Variants in ATF7IP observed in about 807,000 individuals in gnomAD.
ATF7IP encodes the protein activating transcription factor 7 interacting protein, also known as activating transcription factor 7-interacting protein 1.
Under a neutral mutation model 106.4 loss-of-function variants are expected in ATF7IP, and 23 were observed. The ratio of observed to expected loss-of-function variants is 0.22; its 90% CI spans 0.16 to 0.31. ATF7IP has a LOEUF of 0.31. Ranked by LOEUF, ATF7IP falls within the 10% of genes least tolerant of loss-of-function variation. The probability of loss-of-function intolerance (pLI) is 1.00; values close to 1 mark genes in which losing one functional copy is unlikely to be tolerated. For missense variants in ATF7IP, 1,334 were observed against 1,524.3 expected (o/e 0.88, Z 2.08); for synonymous variants, 542 against 539.0 (o/e 1.01, Z -0.08).
At chr12:14,431,475 A>G (rs376141205) in intron 2 of ATF7IP, among the ~76,000 whole-genome samples, 2 of 151,776 alleles carry the variant, frequency 1.3e-5, no homozygotes, top group East Asian at 3.9e-4. Context: ...GCTCACTGCA[A>G]GCTCCGCCTC....
chr12:14,456,516 G>A, intron 6 of ATF7IP, 45 bp from the exon 7 acceptor site: 1 of 1,371,090 alleles, frequency 7.3e-7, no homozygotes, highest in Middle Eastern at 1.8e-4. Flanking sequence ...AAGATTCCCT[G>A]TGTGTTGAGT....
intron 12 of ATF7IP, 139 bp from the exon 13 acceptor site, chr12:14,480,864 G>A: frequency 4.3e-6 from 3 of 703,280 alleles, no homozygotes; most frequent in Non-Finnish European, 6.9e-6. Flanking sequence ...TATCTTAGAA[G>A]ATCATAAAAG....
Position 14,497,809 on chromosome 12 carries a change from C to A in ATF7IP, c.3549C>A (p.Val1183=). The A allele has an allele frequency of 1.9e-6, 3 of 1,614,044 alleles. No individual in the cohort carries two copies. The highest frequency in any genetic ancestry group is 2.5e-6 in the Non-Finnish European group (3 of 1,179,984). The change falls in exon 15 of 15, where the codon GTC becomes GTA. Residue 1183 remains valine, a synonymous_variant. Coordinates refer to ENST00000261168, the MANE Select transcript of ATF7IP (RefSeq NM_018179.5). The stretch of plus-strand genomic sequence containing the variant: ...ATGGCATAGTACTGTCATGGAGTGT[C>A]CTGGAGGTGGATCGAAGCTGTGCCA... ...SQNGIVLSWS[V]LEVDRSCATV... is the part of the protein sequence containing the mutation.
chr12:14,479,997 A>G (rs1944383820), intron 12 of ATF7IP, among the ~76,000 whole-genome samples: 1 of 152,144 alleles, frequency 6.6e-6, no homozygotes, highest in South Asian at 2.1e-4. Flanking sequence ...AATGGGGAGT[A>G]AAGAGATGAA....
chr12:14,393,435 C>G (rs78177488), intron 1 of ATF7IP, among the ~76,000 whole-genome samples: 2,353 of 152,192 alleles, frequency 0.015, 63 homozygotes, highest in African/African-American at 0.054. Context: ...TTGTCCCTAT[C>G]ACTTCATCTG....
chr12:14,479,073 T>C (rs912185569), intron 12 of ATF7IP, among the ~76,000 whole-genome samples: 4 of 152,168 alleles, frequency 2.6e-5, no homozygotes, highest in South Asian at 2.1e-4. Context: ...TTCTGAGTTA[T>C]ATTCTTGAGA....
At chr12:14,423,574 C>CTTTTT in intron 1 of ATF7IP, among the ~76,000 whole-genome samples, 12 of 34,382 alleles carry the variant, frequency 3.5e-4, no homozygotes, top group Non-Finnish European at 5.3e-4. Flanking sequence ...TCTTCAGGTA[C>CTTTTT]TTTTTTTTTT....
chr12:14,480,890 G>T, intron 12 of ATF7IP, 113 bp from the exon 13 acceptor site: 2 of 897,842 alleles, frequency 2.2e-6, no homozygotes, highest in Non-Finnish European at 3.4e-6. Context: ...TGTTATTTCT[G>T]TTTCTGTCTT....
At chr12:14,456,496 T>C (rs1943429144) in intron 6 of ATF7IP, 65 bp from the exon 7 acceptor site, 6 of 1,115,290 alleles carry the variant, frequency 5.4e-6, no homozygotes, top group African/African-American at 1.6e-5. Flanking sequence ...ACAGGTCTAA[T>C]TTTTTTTTAA....
intron 10 of ATF7IP, among the ~76,000 whole-genome samples, chr12:14,471,286 C>A (rs148080385): frequency 7.0e-4 from 107 of 152,200 alleles, no homozygotes; most frequent in African/African-American, 2.4e-3. Context: ...GTCAATATAG[C>A]ATGGTTAGTA....
rs1008829179 is a variant in ATF7IP at position 14,478,344 on chromosome 12, T to C, written c.2969T>C (p.Val990Ala). ...QDPKKLNHTP[V>A]STMSSSQPVS... ...CCCAAAAAACTAAATCACACTCCTG[T>C]ATCAACCATGAGTTCTTCTCAGCCT... Residue 990 changes from valine (V) to alanine (A), a missense_variant, in exon 12 of 15, where the codon GTA (valine) becomes GCA (alanine). Coordinates refer to ENST00000261168, the MANE Select transcript of ATF7IP (RefSeq NM_018179.5). 12 of 1,614,050 alleles carry C rather than the reference T, an allele frequency of 7.4e-6. No individual in the cohort carries two copies. Among genetic ancestry groups the C allele is most frequent in the Non-Finnish European group, 1.0e-5 (12 of 1,179,924 alleles).
In ATF7IP at chr12:14,416,937, G is replaced by A. The variant is rs548902050; in HGVS notation, c.-7-6972G>A. ...TAAACTAAGAGTATGGCTGCAGCAA[G>A]CTCCCTCTTGGGTATGTTTGAAAAA... On this transcript the variant is annotated intron_variant, in intron 1 of 14. Transcript: ENST00000261168. The A allele has an allele frequency of 2.5e-5, 25 of 985,262 alleles. No homozygotes were observed. The Admixed American group carries it at 1.5e-3, about 61-fold the overall frequency. 61.0% of individuals were successfully genotyped at this position (985,262 alleles called of 1,614,324 possible).
chr12:14,483,554 A>C (rs1055920320), intron 13 of ATF7IP, among the ~76,000 whole-genome samples: 3 of 152,160 alleles, frequency 2.0e-5, no homozygotes, highest in Admixed American at 6.5e-5. Flanking sequence ...GCCAGCAGAA[A>C]GTAATGTCGC....
chr12:14,407,987 G>A (rs929978524), intron 1 of ATF7IP, among the ~76,000 whole-genome samples: 9 of 152,050 alleles, frequency 5.9e-5, no homozygotes, highest in African/African-American at 1.9e-4. Flanking sequence ...GAAAAAAAGT[G>A]CTAGGAAAAA....
At chr12:14,456,484 C>A in intron 6 of ATF7IP, 77 bp from the exon 7 acceptor site, 1 of 949,286 alleles carries the variant, frequency 1.1e-6, no homozygotes, top group Non-Finnish European at 1.7e-6. Context: ...TGACAGGCAT[C>A]TACAGGTCTA....
At chr12:14,463,714 G>C (rs1312667614) in intron 9 of ATF7IP, among the ~76,000 whole-genome samples, 2 of 152,168 alleles carry the variant, frequency 1.3e-5, no homozygotes, top group Non-Finnish European at 2.9e-5. Flanking sequence ...TAGGAATAGT[G>C]TTAGGAAGAC....
chr12:14,425,536 A>T, intron 2 of ATF7IP, 63 bp downstream of exon 2: 1 of 1,428,598 alleles, frequency 7.0e-7, no homozygotes, highest in South Asian at 1.6e-5. Flanking sequence ...TTAATAAAAC[A>T]TTATCATAAT....
chr12:14,398,909 T>C (rs913866653), intron 1 of ATF7IP, among the ~76,000 whole-genome samples: 6 of 152,116 alleles, frequency 3.9e-5, no homozygotes, highest in Non-Finnish European at 8.8e-5. Context: ...GTATGTCTCG[T>C]TTATAGTGCA....
At chr12:14,488,610 C>A (rs1012904339) in intron 13 of ATF7IP, among the ~76,000 whole-genome samples, 5 of 152,164 alleles carry the variant, frequency 3.3e-5, no homozygotes, top group Non-Finnish European at 1.5e-5. Flanking sequence ...TACTTTGTGT[C>A]CTTCAATCCA....
Sources: allele counts gnomAD v4.1 joint callset (sites outside exome capture counted in the v4.1 genomes callset), GRCh38; gene constraint gnomAD v4.1.1; transcripts MANE v1.5; gene names NCBI Gene and HGNC (gene_info 2026-07-23, HGNC 2026-07-21).